The following SAMD12 variants were observed in gnomAD, a reference collection of about 807,000 sequenced individuals.
SAMD12 encodes the protein sterile alpha motif domain containing 12.
SAMD12 carries 9 observed loss-of-function variants against 15.0 expected under a neutral mutation model. The ratio of observed to expected loss-of-function variants is 0.60; its 90% CI spans 0.36 to 1.05. The LOEUF is 1.05. SAMD12 is among the 50% of genes least tolerant of loss of function. SAMD12 has a pLI of 0.01. For synonymous variants in SAMD12, 86 were observed against 90.1 expected (o/e 0.96, Z 0.25); for missense variants, 230 against 234.2 (o/e 0.98, Z 0.12).
chr8:118,544,091 C>T (rs549807584), intron 2 of SAMD12, among the ~76,000 whole-genome samples: 2 of 152,242 alleles, frequency 1.3e-5, no homozygotes, highest in South Asian at 4.2e-4. Context: ...TGAAACTCTC[C>T]ATGGTTTAGG....
At chr8:118,354,142 AC>A (rs1327182784) in intron 4 of SAMD12, among the ~76,000 whole-genome samples, 1 of 152,194 alleles carries the variant, frequency 6.6e-6, no homozygotes, top group African/African-American at 2.4e-5. Flanking sequence ...TTCCCATCTG[AC>A]TGATATTAAA....
At chr8:118,453,841 A>G (rs1020497434) in intron 2 of SAMD12, among the ~76,000 whole-genome samples, 4 of 151,672 alleles carry the variant, frequency 2.6e-5, no homozygotes, top group Non-Finnish European at 5.9e-5. Context: ...ATTTAATTTC[A>G]TTTCTTTTTC....
At chr8:118,204,394 G>T (rs1211226185) in intron 4 of SAMD12, among the ~76,000 whole-genome samples, 1 of 152,110 alleles carries the variant, frequency 6.6e-6, no homozygotes, top group African/African-American at 2.4e-5. Context: ...GGGATCGGGA[G>T]GGGGAGTTGC....
At chr8:118,327,003 C>A (rs912769642) in intron 4 of SAMD12, among the ~76,000 whole-genome samples, 2 of 152,190 alleles carry the variant, frequency 1.3e-5, no homozygotes, top group Non-Finnish European at 2.9e-5. Flanking sequence ...AGTAACCATG[C>A]AGTGGCCTGC....
the SAMD12 span, among the ~76,000 whole-genome samples, chr8:118,166,789 C>T: frequency 1.3e-5 from 2 of 152,162 alleles, no homozygotes; most frequent in African/African-American, 2.4e-5. Flanking sequence ...CAATGGTAAA[C>T]CCAAATTTCC....
chr8:118,575,223 C>A (rs1254935470), intron 2 of SAMD12, among the ~76,000 whole-genome samples: 2 of 152,158 alleles, frequency 1.3e-5, no homozygotes, highest in African/African-American at 4.8e-5. Flanking sequence ...TAATATTAGC[C>A]TAATGAGAAA....
intron 2 of SAMD12, among the ~76,000 whole-genome samples, chr8:118,478,882 C>T (rs536021843): frequency 7.9e-5 from 12 of 152,288 alleles, no homozygotes; most frequent in African/African-American, 2.6e-4. Context: ...CATTAAGCTA[C>T]CCAAGCAATG....
chr8:118,423,306 G>A (rs62533399), intron 3 of SAMD12, among the ~76,000 whole-genome samples: 12,316 of 152,148 alleles, frequency 0.081, 668 homozygotes, highest in Middle Eastern at 0.15. Flanking sequence ...ATACCCAAAT[G>A]TCTTCGGGAC....
intron 4 of SAMD12, among the ~76,000 whole-genome samples, chr8:118,199,281 A>G (rs1819647517): frequency 2.0e-5 from 3 of 152,236 alleles, no homozygotes; most frequent in Admixed American, 6.5e-5. Flanking sequence ...TCACTCACTA[A>G]TACTACCTTG....
At chr8:118,549,631 C>T (rs999542430) in intron 2 of SAMD12, among the ~76,000 whole-genome samples, 2 of 152,224 alleles carry the variant, frequency 1.3e-5, no homozygotes, top group Non-Finnish European at 1.5e-5. Context: ...CACCTCTCCT[C>T]CTCCAAAGGA....
chr8:118,560,081 T>A lies in SAMD12; in HGVS notation c.192+20634A>T, dbSNP rs545301210. Among the ~76,000 whole-genome samples, 19 of 152,332 alleles carry A rather than the reference T, an allele frequency of 1.2e-4. No individual in the cohort carries two copies. The South Asian group carries it at 3.9e-3, about 32-fold the overall frequency. Reference sequence around the variant, plus strand: ...GAACTTAAGCTTTAAGACTTCTCATTCGCTCAGGGCTGAGAACGGGCCTTG... The same window carrying A: ...GAACTTAAGCTTTAAGACTTCTCATACGCTCAGGGCTGAGAACGGGCCTTG... On this transcript the variant is annotated intron_variant, in intron 2 of 3. Coordinates refer to ENST00000314727, the MANE Select transcript of SAMD12 (RefSeq NM_207506.3).
At chr8:118,233,989 C>T (rs1812373180) in intron 4 of SAMD12, among the ~76,000 whole-genome samples, 1 of 152,136 alleles carries the variant, frequency 6.6e-6, no homozygotes, top group Non-Finnish European at 1.5e-5. Flanking sequence ...AAGTTTGGCT[C>T]ACCTTTGGGA....
At chr8:118,250,253 T>C (rs1812789636) in intron 4 of SAMD12, among the ~76,000 whole-genome samples, 2 of 152,214 alleles carry the variant, frequency 1.3e-5, no homozygotes, top group African/African-American at 4.8e-5. Flanking sequence ...TCCTGGCTCA[T>C]CAAATACCAG....
chr8:118,216,537 C>T (rs1811964465), intron 4 of SAMD12, among the ~76,000 whole-genome samples: 2 of 152,152 alleles, frequency 1.3e-5, no homozygotes, highest in African/African-American at 4.8e-5. Flanking sequence ...CTTTCTACTC[C>T]AGAGATCTAT....
intron 4 of SAMD12, among the ~76,000 whole-genome samples, chr8:118,334,538 T>A (rs10087006): frequency 0.47 from 71,001 of 151,906 alleles, 18,331 homozygotes; most frequent in African/African-American, 0.71. Flanking sequence ...GTCAGGAAGT[T>A]CTTCTCAAAT....
intron 4 of SAMD12, among the ~76,000 whole-genome samples, chr8:118,360,842 T>C (rs949279591): frequency 1.1e-4 from 17 of 152,204 alleles, no homozygotes; most frequent in Non-Finnish European, 2.4e-4. Flanking sequence ...ATTACCCCTT[T>C]CAGTATGTGT....
chr8:118,349,386 C>T (rs1817838109), intron 4 of SAMD12, among the ~76,000 whole-genome samples: 1 of 152,134 alleles, frequency 6.6e-6, no homozygotes, highest in African/African-American at 2.4e-5. Context: ...GGAGGGGTAA[C>T]CCCTCAGTGC....
Position 118,438,931 on chromosome 8 carries a change from C to T in SAMD12, c.322+901G>A, listed in dbSNP as rs544330156. 2.6e-5 allele frequency among the ~76,000 whole-genome samples: 4 copies of T among 152,284 alleles called. No homozygotes were observed. The South Asian group carries it at 8.3e-4, about 32-fold the overall frequency. On this transcript the variant is annotated intron_variant, in intron 3 of 3. Coordinates refer to ENST00000314727, the MANE Select transcript of SAMD12 (RefSeq NM_207506.3). ...TGGTTTACAGAGTGTATCCTCAGTC[C>T]TATCTTTCACTGCACTGTTTGTGCA... is the stretch of plus-strand genomic sequence containing the variant.
chr8:118,133,000 A>G, the SAMD12 span, among the ~76,000 whole-genome samples: 1,889 of 107,886 alleles, frequency 0.018, 175 homozygotes, highest in African/African-American at 0.059. Flanking sequence ...ATATATATAT[A>G]TATATATATA....
Sources: allele counts gnomAD v4.1 joint callset (sites outside exome capture counted in the v4.1 genomes callset), GRCh38; gene constraint gnomAD v4.1.1; transcripts MANE v1.5; gene names NCBI Gene and HGNC (gene_info 2026-07-23, HGNC 2026-07-21).